The following LRRN3 variants were observed in gnomAD, a reference collection of about 807,000 sequenced individuals.
LRRN3 encodes the protein leucine-rich repeat neuronal protein 3.
In LRRN3, 15 loss-of-function variants were observed where a neutral mutation model predicts 40.1. The observed-to-expected ratio is 0.37, with a 90% CI of 0.25 to 0.58. The LOEUF (loss-of-function observed/expected upper bound fraction) is 0.58. Among genes scored for constraint, LRRN3 ranks in the 20% least tolerant of loss-of-function variants. The probability of loss-of-function intolerance (pLI) is 0.72; values close to 1 mark genes in which losing one functional copy is unlikely to be tolerated. For synonymous variants in LRRN3, 308 were observed against 297.2 expected (o/e 1.04, Z -0.37); for missense variants, 746 against 837.7 (o/e 0.89, Z 1.35).
intron 1 of LRRN3, among the ~76,000 whole-genome samples, chr7:111,097,474 G>T (rs560121843): frequency 4.0e-5 from 6 of 151,816 alleles, no homozygotes; most frequent in Admixed American, 3.9e-4. Context: ...TATTTTAGAG[G>T]ATTCATTCCT....
chr7:111,122,187 C>G (rs1354835453), intron 2 of LRRN3, among the ~76,000 whole-genome samples: 3 of 151,514 alleles, frequency 2.0e-5, no homozygotes, highest in African/African-American at 7.3e-5. Flanking sequence ...CAAACCTGCA[C>G]GTTGTGCACA....
At chr7:111,103,869 C>T (rs758042439) in intron 2 of LRRN3, among the ~76,000 whole-genome samples, 71 of 151,676 alleles carry the variant, frequency 4.7e-4, no homozygotes, top group East Asian at 1.9e-3. Flanking sequence ...ACAGAAAGAA[C>T]GAGAGTCCAT....
At chr7:111,096,060 A>C (rs555144748) in intron 1 of LRRN3, among the ~76,000 whole-genome samples, 23 of 152,136 alleles carry the variant, frequency 1.5e-4, no homozygotes, top group Non-Finnish European at 2.8e-4. Context: ...AATAGTAATT[A>C]ATTGACTCAA....
At position 111,124,486 on chromosome 7, in the gene LRRN3, C is replaced by T. The variant is rs766189186; in HGVS notation, c.1714C>T (p.Pro572Ser). The T allele has an allele frequency of 1.2e-6, 2 of 1,613,910 alleles. No individual in the cohort carries two copies. The highest frequency in any genetic ancestry group is 1.7e-6 in the Non-Finnish European group (2 of 1,179,960). ...NSHAAQSARI[P>S]SDVKVYNLTH... Reference sequence around the variant, plus strand: ...TCATGCTGCGCAAAGTGCTCGAATACCATCTGATGTCAAGGTATATAATCT... The same window carrying T: ...TCATGCTGCGCAAAGTGCTCGAATATCATCTGATGTCAAGGTATATAATCT... The change falls in exon 3 of 3, where the codon CCA becomes TCA. Residue 572 changes from proline to serine, a missense_variant. Pro to Ser is a moderately conservative substitution (Grantham distance 74, BLOSUM62 -1). Coordinates refer to ENST00000308478, the MANE Select transcript of LRRN3 (RefSeq NM_001099658.2).
At chr7:111,099,664 T>C (rs545268975) in intron 1 of LRRN3, among the ~76,000 whole-genome samples, 3 of 151,438 alleles carry the variant, frequency 2.0e-5, no homozygotes, top group Non-Finnish European at 4.4e-5. Context: ...TTTAGAGAGC[T>C]CACATCAACA....
chr7:111,102,774 TA>T (rs1199579893), intron 2 of LRRN3, among the ~76,000 whole-genome samples: 1 of 151,538 alleles, frequency 6.6e-6, no homozygotes, highest in Non-Finnish European at 1.5e-5. Flanking sequence ...ATCTCAAATT[TA>T]AAAAGCTCCG....
In LRRN3 at chr7:111,091,460, C is replaced by T. The variant is rs529361619; in HGVS notation, c.-485C>T. 1.3e-5 allele frequency: 2 copies of T among 152,104 alleles called. No homozygotes were observed. Among genetic ancestry groups the T allele is most frequent in the African/African-American group, 2.4e-5 (1 of 41,414 alleles). 9.4% of individuals were successfully genotyped at this position (152,104 alleles called of 1,614,324 possible). ...AACCAAGGAACTGAGGAATCCAGCA[C>T]GCAAGGACATCGGAGGTGGGCTAGC... On this transcript the variant is annotated 5_prime_UTR_variant, in exon 1 of 3. In the 5' UTR this introduces an upstream ATG that the reference lacks. Transcript: ENST00000308478.
intron 2 of LRRN3, among the ~76,000 whole-genome samples, chr7:111,100,831 A>T (rs1313813543): frequency 6.6e-6 from 1 of 151,690 alleles, no homozygotes; most frequent in African/African-American, 2.4e-5. Context: ...TGAAATAAGG[A>T]AAGTTTTATT....
At chr7:111,111,402 TC>T (rs1554519150) in intron 2 of LRRN3, among the ~76,000 whole-genome samples, 3 of 112,540 alleles carry the variant, frequency 2.7e-5, no homozygotes, top group South Asian at 5.6e-4. Flanking sequence ...CTGCTTTCCA[TC>T]CCCCCCCAAA....
At chr7:111,115,635 A>T (rs1799792643) in intron 2 of LRRN3, among the ~76,000 whole-genome samples, 1 of 151,660 alleles carries the variant, frequency 6.6e-6, no homozygotes, top group African/African-American at 2.4e-5. Context: ...AGACATTTGC[A>T]ATTATTTTTT....
At chr7:111,104,289 GT>G (rs1563246382) in intron 2 of LRRN3, among the ~76,000 whole-genome samples, 2 of 151,674 alleles carry the variant, frequency 1.3e-5, no homozygotes, top group Non-Finnish European at 3.0e-5. Context: ...CTCCCTCTGT[GT>G]CCCAATTTCC....
At chr7:111,120,508 G>A (rs1023106457) in intron 2 of LRRN3, among the ~76,000 whole-genome samples, 5 of 152,074 alleles carry the variant, frequency 3.3e-5, no homozygotes, top group Admixed American at 1.3e-4. Flanking sequence ...GGGAATTATC[G>A]GAGCTACAAT....
chr7:111,108,105 T>G (rs1204627320), intron 2 of LRRN3, among the ~76,000 whole-genome samples: 2 of 152,140 alleles, frequency 1.3e-5, no homozygotes, highest in Non-Finnish European at 2.9e-5. Flanking sequence ...AGTGTCACTT[T>G]CTAGTGCAGA....
At chr7:111,114,765 A>G (rs1455376191) in intron 2 of LRRN3, among the ~76,000 whole-genome samples, 1 of 151,930 alleles carries the variant, frequency 6.6e-6, no homozygotes, top group African/African-American at 2.4e-5. Context: ...AAAGAAAGAA[A>G]AAAAAAGAAA....
At chr7:111,093,144 A>C (rs1262077209) in intron 1 of LRRN3, among the ~76,000 whole-genome samples, 5 of 152,208 alleles carry the variant, frequency 3.3e-5, no homozygotes, top group Non-Finnish European at 7.3e-5. Context: ...ACAATATGCC[A>C]GTGGCTTCGA....
At chr7:111,110,768 A>T (rs1406825718) in intron 2 of LRRN3, among the ~76,000 whole-genome samples, 2 of 152,208 alleles carry the variant, frequency 1.3e-5, no homozygotes, top group African/African-American at 4.8e-5. Flanking sequence ...AATACCAGTT[A>T]TTTAATTATA....
chr7:111,109,110 G>T (rs1322690851), intron 2 of LRRN3, among the ~76,000 whole-genome samples: 2 of 152,166 alleles, frequency 1.3e-5, no homozygotes, highest in Non-Finnish European at 2.9e-5. Context: ...GATATTTTAA[G>T]TAAGGTGGTC....
intron 2 of LRRN3, among the ~76,000 whole-genome samples, chr7:111,102,037 G>A (rs936179336): frequency 2.1e-4 from 32 of 150,946 alleles, no homozygotes; most frequent in Non-Finnish European, 3.6e-4. Flanking sequence ...AGAAACTGCC[G>A]CCAATATGAT....
chr7:111,124,057 C>A lies in LRRN3; in HGVS notation c.1285C>A (p.Pro429Thr), dbSNP rs775705350. 1.2e-6 allele frequency: 2 copies of A among 1,613,892 alleles called. No individual in the cohort carries two copies. The highest frequency in any genetic ancestry group is 4.5e-5 in the East Asian group (2 of 44,876). Residue 429 changes from proline (P) to threonine (T), a missense_variant, in exon 3 of 3, where the codon CCT becomes ACT. Physicochemically the swap from Pro to Thr is conservative, Grantham distance 38 (BLOSUM62 -1). Coordinates refer to ENST00000308478, the MANE Select transcript of LRRN3 (RefSeq NM_001099658.2). ...CLPLIAPESF[P>T]SNLNVEAGSY... is the part of the protein sequence containing the mutation. ...CCCTCTTATAGCTCCTGAGAGCTTTCCTTCTAATCTAAATGTAGAAGCTGG... is the reference window on the plus strand; with the variant it reads ...CCCTCTTATAGCTCCTGAGAGCTTTACTTCTAATCTAAATGTAGAAGCTGG...
Sources: gnomAD v4.1 joint callset for allele counts (sites outside exome capture counted in the v4.1 genomes callset) on GRCh38, gnomAD v4.1.1 for gene constraint, MANE v1.5 for transcripts, NCBI Gene and HGNC (gene_info 2026-07-23, HGNC 2026-07-21) for gene names.